TCAIM: variants seen among roughly 807,000 people sequenced by gnomAD.
The protein encoded by TCAIM is T cell activation inhibitor, mitochondrial.
TCAIM carries 36 observed loss-of-function variants against 58.6 expected under a neutral mutation model. That is an observed-to-expected ratio of 0.61 (90% CI 0.47 to 0.81). The LOEUF (loss-of-function observed/expected upper bound fraction) is 0.81, where lower values mean the gene tolerates loss of function less well. TCAIM is among the 30% of genes least tolerant of loss of function. The pLI is 0.00. For missense variants in TCAIM, 466 were observed against 579.6 expected, an observed-to-expected ratio of 0.80 and a Z score of 2.01; for synonymous variants, 172 against 193.6, an observed-to-expected ratio of 0.89 and a Z score of 0.93.
chr3:44,394,621 T>C (rs1192806341), intron 6 of TCAIM, among the ~76,000 whole-genome samples: 2 of 151,388 alleles, frequency 1.3e-5, no homozygotes, highest in Non-Finnish European at 2.9e-5. Flanking sequence ...CCCGGCCGGG[T>C]ATGGTGGCTC....
intron 1 of TCAIM, among the ~76,000 whole-genome samples, chr3:44,350,180 G>GA (rs1328993042): frequency 6.6e-6 from 1 of 152,132 alleles, no homozygotes; most frequent in African/African-American, 2.4e-5. Context: ...GGTAGGTAGT[G>GA]AAAAATTACA....
intron 1 of TCAIM, among the ~76,000 whole-genome samples, chr3:44,349,278 G>T (rs1410564585): frequency 1.3e-5 from 2 of 152,176 alleles, no homozygotes; most frequent in Non-Finnish European, 2.9e-5. Flanking sequence ...CAGACCATTT[G>T]CCCATTTTAC....
intron 1 of TCAIM, among the ~76,000 whole-genome samples, chr3:44,343,583 CTATT>C (rs1700900877): frequency 6.6e-6 from 1 of 152,172 alleles, no homozygotes; most frequent in Non-Finnish European, 1.5e-5. Flanking sequence ...TAACACATCT[CTATT>C]TAGACTAACC....
chr3:44,362,844 A>T (rs1701314629), intron 4 of TCAIM: 1 of 155,784 alleles, frequency 6.4e-6, no homozygotes, highest in Admixed American at 6.5e-5. Flanking sequence ...ACTAGTGTAA[A>T]ACCAAATATT....
chr3:44,353,983 A>C (rs1021271379), intron 1 of TCAIM, among the ~76,000 whole-genome samples: 1 of 152,202 alleles, frequency 6.6e-6, no homozygotes, highest in African/African-American at 2.4e-5. Flanking sequence ...TTATAACTAA[A>C]TAGTCATTTC....
At chr3:44,404,827 C>A (rs2125658714) in intron 10 of TCAIM, among the ~76,000 whole-genome samples, 1 of 137,472 alleles carries the variant, frequency 7.3e-6, no homozygotes, top group East Asian at 2.6e-4. Flanking sequence ...TGGCAAAAAA[C>A]TGCAATTACT....
At chr3:44,366,709 G>T (rs186460583) in intron 4 of TCAIM, among the ~76,000 whole-genome samples, 1 of 150,788 alleles carries the variant, frequency 6.6e-6, no homozygotes, top group African/African-American at 2.4e-5. Flanking sequence ...CTTGTGATCC[G>T]CCCGCCTCGG....
chr3:44,358,200 T>C (rs1444846807), intron 3 of TCAIM: 2 of 1,558,802 alleles, frequency 1.3e-6, no homozygotes, highest in African/African-American at 2.8e-5. Context: ...AATCTCTCTC[T>C]CTTTTTTTTT....
chr3:44,385,834 G>A (rs1371725812), intron 5 of TCAIM, among the ~76,000 whole-genome samples: 1 of 151,934 alleles, frequency 6.6e-6, no homozygotes, highest in African/African-American at 2.4e-5. Context: ...AACACACGAT[G>A]GTGTCTCTTG....
chr3:44,347,795 T>C lies in TCAIM; in HGVS notation c.-44-6944T>C, dbSNP rs964955626. Among the ~76,000 whole-genome samples, 4 of 152,054 alleles carry C rather than the reference T, an allele frequency of 2.6e-5. No homozygotes were observed. In the East Asian group the frequency reaches 7.7e-4, roughly 29 times the overall value. ...TTGGCCTTAAGCAGGGTAAGAGTGA[T>C]TAGTTTTTAATGGGATGGTAAGGGG... On this transcript the variant is annotated intron_variant, in intron 1 of 10. Coordinates refer to ENST00000342649, the MANE Select transcript of TCAIM (RefSeq NM_173826.4).
At chr3:44,400,631 G>C in intron 9 of TCAIM, 44 bp downstream of exon 9, 1 of 1,525,870 alleles carries the variant, frequency 6.6e-7, no homozygotes, top group Non-Finnish European at 9.1e-7. Flanking sequence ...CCTTCGTCTA[G>C]GTGGGTTGTG....
At chr3:44,392,712 T>C (rs765315767) in intron 5 of TCAIM, 143 bp from the exon 6 acceptor site, 18 of 693,600 alleles carry the variant, frequency 2.6e-5, no homozygotes, top group Non-Finnish European at 4.2e-5. Context: ...ACATTTTCTT[T>C]ACCCAATCTG....
At chr3:44,372,006 GAGA>G (rs768004074) in intron 5 of TCAIM, among the ~76,000 whole-genome samples, 1 of 140,596 alleles carries the variant, frequency 7.1e-6, no homozygotes, top group South Asian at 2.3e-4. Context: ...GAGAGAGAAA[GAGA>G]GAAGGAAGGA....
In TCAIM at chr3:44,361,415, C is replaced by A; in HGVS notation, c.216C>A (p.Leu72=). Residue 72 remains leucine (L), a synonymous_variant, in exon 4 of 11, where the codon CTC becomes CTA. Coordinates refer to ENST00000342649, the MANE Select transcript of TCAIM (RefSeq NM_173826.4). ...GGTTAAGTGTCTACCTAGAAAACCT[C>A]CAGAAACCAGGCTTCAAGTCTTTGA... ...LKRLSVYLEN[L]QKPGFKSLKP... is the part of the protein sequence containing the mutation. 1 of 1,613,034 alleles carries A rather than the reference C, an allele frequency of 6.2e-7. No individual in the cohort carries two copies. The highest frequency in any genetic ancestry group is 8.5e-7 in the Non-Finnish European group (1 of 1,179,580).
At chr3:44,407,335 C>A in intron 10 of TCAIM, 107 bp from the exon 11 acceptor site, 2 of 944,300 alleles carry the variant, frequency 2.1e-6, no homozygotes, top group Non-Finnish European at 3.0e-6. Context: ...GTTGTGAGTG[C>A]ACAGTTAGGG....
rs746606325 is a variant in TCAIM, at chr3:44,401,281, G to A, written c.1197G>A (p.Trp399Ter). The change falls in exon 10 of 11, where the codon TGG becomes TGA. Residue 399 changes from tryptophan to a stop codon, truncating the protein, a stop_gained. Coordinates refer to ENST00000342649, the MANE Select transcript of TCAIM (RefSeq NM_173826.4). LOFTEE classifies it high-confidence loss of function. ...TCTGTGATCCAGCAAATCTCCAGTG[G>A]TTTATTCTCACCAAAGCTCAGCAGG... ...PTLCDPANLQ[W>*]FILTKAQQAR... 1.9e-6 allele frequency: 3 copies of A among 1,613,872 alleles called. No individual in the cohort carries two copies. Among genetic ancestry groups the A allele is most frequent in the East Asian group, 2.2e-5 (1 of 44,882 alleles).
chr3:44,380,446 A>T (rs956622762), intron 5 of TCAIM, among the ~76,000 whole-genome samples: 32 of 152,150 alleles, frequency 2.1e-4, no homozygotes, highest in African/African-American at 7.7e-4. Flanking sequence ...ATGAATGAAA[A>T]CAAAAACACA....
chr3:44,396,549 T>C, intron 7 of TCAIM, 52 bp downstream of exon 7: 2 of 1,538,666 alleles, frequency 1.3e-6, no homozygotes, highest in Non-Finnish European at 1.8e-6. Flanking sequence ...TATGTACGTC[T>C]ATAAATTTTA....
At chr3:44,406,967 G>C (rs1702110567) in intron 10 of TCAIM, among the ~76,000 whole-genome samples, 1 of 152,174 alleles carries the variant, frequency 6.6e-6, no homozygotes, top group Non-Finnish European at 1.5e-5. Context: ...GGGCTGGTGA[G>C]GTAGGAGAGT....
Sources: allele counts gnomAD v4.1 joint callset (sites outside exome capture counted in the v4.1 genomes callset), GRCh38; gene constraint gnomAD v4.1.1; transcripts MANE v1.5; gene names NCBI Gene and HGNC (gene_info 2026-07-23, HGNC 2026-07-21).